SMOC1: variants seen among roughly 807,000 people sequenced by gnomAD.
The protein encoded by SMOC1 is SPARC related modular calcium binding 1.
SMOC1 carries 22 observed loss-of-function variants against 56.3 expected under a neutral mutation model. The observed-to-expected ratio is 0.39, with a 90% CI of 0.28 to 0.56. SMOC1 has a LOEUF of 0.56. Among genes scored for constraint, SMOC1 ranks in the 20% least tolerant of loss-of-function variants. The pLI, the probability that SMOC1 is intolerant of heterozygous loss-of-function variation, is 0.61. For synonymous variants in SMOC1, 193 were observed against 215.0 expected (o/e 0.90, Z 0.89); for missense variants, 509 against 565.4 (o/e 0.90, Z 1.01).
chr14:69,976,426 A>C (rs955153544), intron 4 of SMOC1, among the ~76,000 whole-genome samples: 1 of 152,196 alleles, frequency 6.6e-6, no homozygotes, highest in Non-Finnish European at 1.5e-5. Context: ...GGGAGACCTG[A>C]GGTCTTTGTT....
intron 3 of SMOC1, 45 bp downstream of exon 3, chr14:69,953,577 C>T (rs1223159935): frequency 1.9e-6 from 3 of 1,544,316 alleles, no homozygotes; most frequent in African/African-American, 2.7e-5. Context: ...TGGACCGAGG[C>T]AGAGGGGAGG....
At chr14:69,970,731 C>T (rs555347095) in intron 3 of SMOC1, among the ~76,000 whole-genome samples, 2 of 152,254 alleles carry the variant, frequency 1.3e-5, no homozygotes, top group African/African-American at 4.8e-5. Context: ...CCCTGACTTG[C>T]TTTACCCCCA....
At chr14:70,012,539 A>C (rs1432972881) in intron 9 of SMOC1, among the ~76,000 whole-genome samples, 1 of 152,234 alleles carries the variant, frequency 6.6e-6, no homozygotes, top group African/African-American at 2.4e-5. Context: ...AGCTTCTCTG[A>C]GAAGCAAGTG....
At chr14:69,899,131 G>C (rs1441324076) in intron 1 of SMOC1, among the ~76,000 whole-genome samples, 1 of 152,154 alleles carries the variant, frequency 6.6e-6, no homozygotes, top group African/African-American at 2.4e-5. Flanking sequence ...AATCCCAACA[G>C]ATTAGGCTCT....
chr14:69,927,964 G>A (rs997544879), intron 1 of SMOC1, among the ~76,000 whole-genome samples: 1 of 152,190 alleles, frequency 6.6e-6, no homozygotes, highest in Non-Finnish European at 1.5e-5. Flanking sequence ...AGGGGTGAAG[G>A]GGTCAGTGCA....
intron 1 of SMOC1, among the ~76,000 whole-genome samples, chr14:69,932,030 G>A (rs750336316): frequency 2.6e-5 from 4 of 152,232 alleles, no homozygotes; most frequent in African/African-American, 4.8e-5. Context: ...CGCCTGTTCT[G>A]GCAGTCCAAA....
At position 69,979,592 on chromosome 14, in the gene SMOC1, G is replaced by A. The variant is rs1025670598; in HGVS notation, c.526+1627G>A. 1.7e-4 allele frequency among the ~76,000 whole-genome samples: 25 copies of A among 150,764 alleles called. 1 individual carries two copies. Among genetic ancestry groups the A allele is most frequent in the Non-Finnish European group, 1.5e-5 (1 of 67,492 alleles). ...AAGATGCCTTCAAGTTTTCTATTGC[G>A]TGTGTGTGTGTGTGTTGTTTTTTTT... On this transcript the variant is annotated intron_variant, in intron 5 of 11. Transcript: ENST00000361956.
Position 70,031,436 on chromosome 14 carries a change from G to T in SMOC1, c.*1178G>T, listed in dbSNP as rs1423596597. ...GGTGGGTGGGTTGGGGGAGGTGTCA[G>T]TCACCTTGTTGGTAACACTAAAGTT... On this transcript the variant is annotated 3_prime_UTR_variant, in exon 12 of 12. Coordinates refer to ENST00000361956, the MANE Select transcript of SMOC1 (RefSeq NM_001034852.3). The T allele has an allele frequency of 6.6e-6, 1 of 152,200 alleles. No individual in the cohort carries two copies. Among genetic ancestry groups the T allele is most frequent in the African/African-American group, 2.4e-5 (1 of 41,436 alleles). The allele number at this position is 152,200 out of a possible 1,614,324, so 9.4% of individuals were successfully genotyped here.
intron 10 of SMOC1, among the ~76,000 whole-genome samples, chr14:70,018,381 T>C (rs773812378): frequency 6.6e-6 from 1 of 152,182 alleles, no homozygotes. Context: ...TCTGGCCTGA[T>C]TTATTAGCAA....
chr14:70,024,991 T>A (rs1403336748), intron 11 of SMOC1, among the ~76,000 whole-genome samples: 1 of 151,758 alleles, frequency 6.6e-6, no homozygotes, highest in Non-Finnish European at 1.5e-5. Context: ...TGGAGAGAAG[T>A]GGGTGATTGG....
At chr14:69,987,943 G>A (rs1884427013) in intron 5 of SMOC1, among the ~76,000 whole-genome samples, 2 of 152,334 alleles carry the variant, frequency 1.3e-5, no homozygotes, top group South Asian at 2.1e-4. Context: ...GTGACTGGGG[G>A]TTGGGGAATC....
rs559551124 is a variant in SMOC1 at position 69,971,374 on chromosome 14, C to T, written c.379-4341C>T. ...TTGCAATATAAGCAGAAGGTAACCT[C>T]ACTTAGGTTGATGAGTAAACACTTT... is the stretch of plus-strand genomic sequence containing the variant. On this transcript the variant is annotated intron_variant, in intron 3 of 11. Coordinates refer to ENST00000361956, the MANE Select transcript of SMOC1 (RefSeq NM_001034852.3). Among the ~76,000 whole-genome samples the T allele has an allele frequency of 2.6e-5, 4 of 152,196 alleles. No homozygotes were observed. In the South Asian group the frequency reaches 6.2e-4, roughly 24 times the overall value.
chr14:69,980,379 T>A (rs1398548522), intron 5 of SMOC1, among the ~76,000 whole-genome samples: 9 of 152,152 alleles, frequency 5.9e-5, no homozygotes, highest in Admixed American at 5.9e-4. Flanking sequence ...AGGACAAGGC[T>A]CTGGTGGGGA....
At chr14:69,998,746 CA>C (rs1203317706) in intron 7 of SMOC1, among the ~76,000 whole-genome samples, 1 of 152,222 alleles carries the variant, frequency 6.6e-6, no homozygotes, top group East Asian at 1.9e-4. Context: ...TCCCAAGGCC[CA>C]CCACTCATTT....
chr14:69,896,738 G>A (rs987181312), intron 1 of SMOC1, among the ~76,000 whole-genome samples: 1 of 152,228 alleles, frequency 6.6e-6, no homozygotes, highest in Non-Finnish European at 1.5e-5. Context: ...ATGGAAGTCA[G>A]TGGAGGGAGG....
At chr14:69,939,704 A>T (rs546759677) in intron 1 of SMOC1, among the ~76,000 whole-genome samples, 7 of 152,222 alleles carry the variant, frequency 4.6e-5, no homozygotes, top group Non-Finnish European at 1.0e-4. Flanking sequence ...GTGATTATAC[A>T]ATAGTGCCAC....
chr14:69,962,093 T>G (rs769881783), intron 3 of SMOC1, among the ~76,000 whole-genome samples: 1 of 152,186 alleles, frequency 6.6e-6, no homozygotes, highest in Non-Finnish European at 1.5e-5. Context: ...CATTTCTTAA[T>G]TCAGTTACTT....
intron 1 of SMOC1, among the ~76,000 whole-genome samples, chr14:69,926,737 G>T (rs1327997960): frequency 6.6e-6 from 1 of 152,190 alleles, no homozygotes; most frequent in Non-Finnish European, 1.5e-5. Context: ...GCTCCCTGTT[G>T]TAGCCAAATG....
rs956837118 is a variant in SMOC1, at chr14:69,953,583, G to C, written c.378+51G>C. The C allele has an allele frequency of 2.6e-6, 4 of 1,526,314 alleles. No homozygotes were observed. The African/African-American group carries it at 4.1e-5, about 16-fold the overall frequency. 94.5% of individuals were successfully genotyped at this position (1,526,314 alleles called of 1,614,324 possible). A position where few individuals can be genotyped will look rare whatever the true frequency, so the allele number is the denominator to read the frequency against. On this transcript the variant is annotated intron_variant, in intron 3 of 11. Transcript: ENST00000361956. ...GCTCTTTCCTGGACCGAGGCAGAGG[G>C]GAGGTGTCCCGAGAGCGCGAGGGCT...
Sources: gnomAD v4.1 joint callset for allele counts (sites outside exome capture counted in the v4.1 genomes callset) on GRCh38, gnomAD v4.1.1 for gene constraint, MANE v1.5 for transcripts, NCBI Gene and HGNC (gene_info 2026-07-23, HGNC 2026-07-21) for gene names.